Variants in HMGXB4 observed in about 807,000 individuals in gnomAD.
HMGXB4 encodes the protein HMG-box containing 4, also known as HMG domain-containing protein 4.
Under a neutral mutation model 63.9 loss-of-function variants are expected in HMGXB4, and 27 were observed. That is an observed-to-expected ratio of 0.42 (90% confidence interval 0.31 to 0.58). HMGXB4 has a LOEUF of 0.58. HMGXB4 is among the 20% of genes least tolerant of loss of function. HMGXB4 has a pLI of 0.13. For synonymous variants in HMGXB4, 264 were observed against 265.3 expected, an observed-to-expected ratio of 0.99 and a Z score of 0.05; for missense variants, 624 against 700.7, an observed-to-expected ratio of 0.89 and a Z score of 1.24.
Position 35,262,383 on chromosome 22 carries a change from G to A in HMGXB4, c.-8G>A. 6.2e-7 allele frequency: 1 copy of A among 1,614,010 alleles called. No individual in the cohort carries two copies. Among genetic ancestry groups the A allele is most frequent in the South Asian group, 1.1e-5 (1 of 91,072 alleles). ...GTGACACATTCTCAAAGGCCCTGCAGGACCACCATGGCTTATGATGACTCC... is the reference window on the plus strand; with the variant it reads ...GTGACACATTCTCAAAGGCCCTGCAAGACCACCATGGCTTATGATGACTCC... On this transcript the variant is annotated 5_prime_UTR_variant, in exon 2 of 11. Transcript: ENST00000216106.
chr22:35,257,011 AC>A (rs1922446596), upstream of HMGXB4, among the ~76,000 whole-genome samples: 1 of 152,150 alleles, frequency 6.6e-6, no homozygotes, highest in African/African-American at 2.4e-5. Flanking sequence ...TCTTCACCTC[AC>A]CCCTAATATG....
At chr22:35,270,809 AAGT>A (rs1923559142) in intron 5 of HMGXB4, among the ~76,000 whole-genome samples, 1 of 152,240 alleles carries the variant, frequency 6.6e-6, no homozygotes, top group Non-Finnish European at 1.5e-5. Context: ...AAAAAATCTG[AAGT>A]AGTCATAATC....
chr22:35,269,854 TG>T (rs1327441003), intron 5 of HMGXB4, among the ~76,000 whole-genome samples: 3 of 152,148 alleles, frequency 2.0e-5, no homozygotes, highest in Admixed American at 2.0e-4. Context: ...GACGCATGAC[TG>T]GAGTCCCAGC....
At chr22:35,293,146 C>G (rs1379516860) in intron 10 of HMGXB4, 32 bp downstream of exon 10, 1 of 1,613,638 alleles carries the variant, frequency 6.2e-7, no homozygotes, top group Non-Finnish European at 8.5e-7. Context: ...AGAGTCAGAT[C>G]CATTGGGCGT....
At chr22:35,265,746 T>A in intron 5 of HMGXB4, 143 bp downstream of exon 5, 1 of 1,185,412 alleles carries the variant, frequency 8.4e-7, no homozygotes, top group Non-Finnish European at 1.1e-6. Context: ...ATATAAAGTA[T>A]AAAATATTAC....
At chr22:35,270,938 G>A (rs948853113) in intron 5 of HMGXB4, among the ~76,000 whole-genome samples, 4 of 152,048 alleles carry the variant, frequency 2.6e-5, no homozygotes, top group African/African-American at 9.7e-5. Context: ...ATTTTCCTGG[G>A]TTTTGTTTCA....
chr22:35,270,448 T>C (rs1462353047), intron 5 of HMGXB4, among the ~76,000 whole-genome samples: 2 of 152,192 alleles, frequency 1.3e-5, no homozygotes, highest in Non-Finnish European at 2.9e-5. Context: ...GTAATACTAA[T>C]AGAAATAAAA....
chr22:35,264,256 C>T (rs1923049351), intron 4 of HMGXB4, among the ~76,000 whole-genome samples: 1 of 152,210 alleles, frequency 6.6e-6, no homozygotes, highest in Admixed American at 6.5e-5. Context: ...ATGTTATGCA[C>T]ATAGCTGATG....
the HMGXB4 span, among the ~76,000 whole-genome samples, chr22:35,252,340 G>A: frequency 5.9e-5 from 9 of 152,270 alleles, no homozygotes; most frequent in South Asian, 2.1e-4. Context: ...TTGCATAACC[G>A]AAACTTTACA....
At chr22:35,258,992 G>GT (rs1367941723) in intron 1 of HMGXB4, among the ~76,000 whole-genome samples, 3 of 152,162 alleles carry the variant, frequency 2.0e-5, no homozygotes, top group Admixed American at 2.0e-4. Flanking sequence ...TCTGAAACCT[G>GT]TTTTTTAACT....
At chr22:35,293,556 G>T in intron 10 of HMGXB4, 51 bp from the exon 11 acceptor site, 1 of 1,286,140 alleles carries the variant, frequency 7.8e-7, no homozygotes, top group South Asian at 1.2e-5. Context: ...ACATCTCTCA[G>T]GAAACCAAGG....
At chr22:35,275,169 T>C (rs984270580) in intron 5 of HMGXB4, among the ~76,000 whole-genome samples, 1 of 146,026 alleles carries the variant, frequency 6.8e-6, no homozygotes, top group Non-Finnish European at 1.5e-5. Context: ...GCCCAGGCTG[T>C]AGTACAATGG....
At chr22:35,282,057 A>G (rs1382354147) in intron 5 of HMGXB4, among the ~76,000 whole-genome samples, 2 of 152,230 alleles carry the variant, frequency 1.3e-5, no homozygotes, top group Admixed American at 1.3e-4. Context: ...GTTTAAAGCA[A>G]GATACAACTC....
the HMGXB4 span, among the ~76,000 whole-genome samples, chr22:35,246,401 A>G: frequency 7.1e-6 from 1 of 140,426 alleles, no homozygotes; most frequent in Admixed American, 7.3e-5. Flanking sequence ...CAGCCTCCTG[A>G]GTAGCTGGCA....
intron 5 of HMGXB4, among the ~76,000 whole-genome samples, chr22:35,273,974 A>G (rs969841331): frequency 1.2e-4 from 18 of 152,244 alleles, no homozygotes; most frequent in African/African-American, 4.3e-4. Flanking sequence ...TGGCCTCTTC[A>G]TGCGCAGTTC....
In HMGXB4 at chr22:35,262,399, T is replaced by C. The variant is rs913697643; in HGVS notation, c.9T>C (p.Tyr3=). Residue 3 remains tyrosine (Y), a synonymous_variant, in exon 2 of 11, where the codon TAT becomes TAC. Coordinates refer to ENST00000216106, the MANE Select transcript of HMGXB4 (RefSeq NM_001003681.3). The part of the protein sequence containing the change: MA[Y]DDSVKKEDCF... ...GGCCCTGCAGGACCACCATGGCTTA[T>C]GATGACTCCGTGAAGAAAGAAGGTA... 1.2e-6 allele frequency: 2 copies of C among 1,614,106 alleles called. No homozygotes were observed. The highest frequency in any genetic ancestry group is 2.7e-5 in the African/African-American group (2 of 75,040).
upstream of HMGXB4, among the ~76,000 whole-genome samples, chr22:35,255,079 C>T (rs1416943576): frequency 6.6e-6 from 1 of 152,160 alleles, no homozygotes; most frequent in Admixed American, 6.5e-5. Context: ...CTAATTTAAC[C>T]AATCAGCAGC....
intron 9 of HMGXB4, among the ~76,000 whole-genome samples, chr22:35,292,148 T>A (rs1003226512): frequency 1.3e-5 from 2 of 152,186 alleles, no homozygotes; most frequent in East Asian, 3.8e-4. Context: ...GGTAGTAATA[T>A]TCATAATTAC....
At chr22:35,281,160 A>G (rs1924219073) in intron 5 of HMGXB4, among the ~76,000 whole-genome samples, 1 of 152,190 alleles carries the variant, frequency 6.6e-6, no homozygotes, top group South Asian at 2.1e-4. Context: ...CCATTGAAAT[A>G]CTTTTACTAT....
Sources: gnomAD v4.1 joint callset for allele counts (sites outside exome capture counted in the v4.1 genomes callset) on GRCh38, gnomAD v4.1.1 for gene constraint, MANE v1.5 for transcripts, NCBI Gene and HGNC (gene_info 2026-07-23, HGNC 2026-07-21) for gene names.